AGBL1: variants seen among roughly 807,000 people sequenced by gnomAD.
AGBL1 encodes the protein cytosolic carboxypeptidase 4.
In AGBL1, 130 loss-of-function variants were observed where a neutral mutation model predicts 118.9. That is an observed-to-expected ratio of 1.09 (90% CI 0.95 to 1.26). The LOEUF is 1.26. Ranked by LOEUF, AGBL1 falls within the 50% of genes most tolerant of loss-of-function variation. The pLI, the probability that AGBL1 is intolerant of heterozygous loss-of-function variation, is 0.00. For synonymous variants in AGBL1, 555 were observed against 478.9 expected, an observed-to-expected ratio of 1.16 and a Z score of -2.08; for missense variants, 1,584 against 1,298.1, an observed-to-expected ratio of 1.22 and a Z score of -3.38.
chr15:86,556,191 GT>G, intron 21 of AGBL1: 1 of 1,581,082 alleles, frequency 6.3e-7, no homozygotes, highest in Non-Finnish European at 8.7e-7. Flanking sequence ...TGACTCATAG[GT>G]TCAGGCCCTC....
intron 17 of AGBL1, among the ~76,000 whole-genome samples, chr15:86,358,615 A>G (rs888757660): frequency 6.6e-6 from 1 of 152,052 alleles, no homozygotes; most frequent in Non-Finnish European, 1.5e-5. Flanking sequence ...ACTGTTTTGC[A>G]TAATGGCTTT....
chr15:86,998,501 C>T (rs1271068033), intron 24 of AGBL1, among the ~76,000 whole-genome samples: 2 of 152,126 alleles, frequency 1.3e-5, no homozygotes, highest in Admixed American at 6.6e-5. Context: ...TGGCTGATAC[C>T]TCAATTGTAG....
intron 5 of AGBL1, among the ~76,000 whole-genome samples, chr15:86,209,956 T>C (rs911545822): frequency 6.6e-6 from 1 of 152,220 alleles, no homozygotes; most frequent in Non-Finnish European, 1.5e-5. Context: ...CTGGAACTGA[T>C]TGTTCCTTTC....
At chr15:86,439,815 C>T (rs928765467) in intron 18 of AGBL1, among the ~76,000 whole-genome samples, 1 of 152,174 alleles carries the variant, frequency 6.6e-6, no homozygotes, top group Non-Finnish European at 1.5e-5. Flanking sequence ...AGGCCTCAGT[C>T]GCTCAAACAG....
At chr15:86,101,882 G>T (rs1234706622) in intron 1 of AGBL1, among the ~76,000 whole-genome samples, 1 of 151,990 alleles carries the variant, frequency 6.6e-6, no homozygotes, top group Non-Finnish European at 1.5e-5. Flanking sequence ...GATTGTTATT[G>T]ATATGTGAGG....
intron 22 of AGBL1, among the ~76,000 whole-genome samples, chr15:86,781,860 A>G (rs1301693545): frequency 6.6e-6 from 1 of 151,066 alleles, no homozygotes; most frequent in Non-Finnish European, 1.5e-5. Context: ...ATCTACTGGG[A>G]AGAACAAGCA....
chr15:86,732,821 C>T (rs1000442930), intron 22 of AGBL1, among the ~76,000 whole-genome samples: 1 of 151,116 alleles, frequency 6.6e-6, no homozygotes, highest in African/African-American at 2.4e-5. Flanking sequence ...CATCTCTGAG[C>T]ATTAGAAGAT....
At chr15:86,893,545 TCAAAA>T (rs1336011150) in intron 22 of AGBL1, among the ~76,000 whole-genome samples, 1 of 151,956 alleles carries the variant, frequency 6.6e-6, no homozygotes, top group Non-Finnish European at 1.5e-5. Context: ...AAATGAAAAA[TCAAAA>T]CAAAGAAACT....
chr15:86,755,601 C>T (rs34053914), intron 22 of AGBL1, among the ~76,000 whole-genome samples: 5 of 152,118 alleles, frequency 3.3e-5, no homozygotes, highest in Non-Finnish European at 5.9e-5. Context: ...TGATTGACAA[C>T]CCTCTGTATA....
Position 86,169,741 on chromosome 15 carries a change from T to A in AGBL1, c.488+10715T>A, listed in dbSNP as rs13379982. Among the ~76,000 whole-genome samples the A allele has an allele frequency of 3.8e-3, 573 of 152,330 alleles. 4 individuals are homozygous for A. The highest frequency in any genetic ancestry group is 0.013 in the African/African-American group (545 of 41,562). On this transcript the variant is annotated intron_variant, in intron 5 of 22. Transcript: ENST00000614907. ...AGCACAGATGCAATTTTTAAAAATA[T>A]ATTTAATCCACAGTTGGTTGAATCC... is the stretch of plus-strand genomic sequence containing the variant.
chr15:86,784,132 A>G (rs1218870637), intron 22 of AGBL1, among the ~76,000 whole-genome samples: 3 of 152,180 alleles, frequency 2.0e-5, no homozygotes, highest in African/African-American at 7.2e-5. Context: ...CTTGCTATAA[A>G]GGAGTGTTGT....
intron 21 of AGBL1, among the ~76,000 whole-genome samples, chr15:86,666,200 T>C (rs907079906): frequency 5.3e-5 from 8 of 152,120 alleles, no homozygotes; most frequent in African/African-American, 1.9e-4. Context: ...TATTTAGATG[T>C]TCCTTGCTGT....
chr15:86,477,827 T>G (rs979705197), intron 18 of AGBL1, among the ~76,000 whole-genome samples: 1 of 151,938 alleles, frequency 6.6e-6, no homozygotes, highest in African/African-American at 2.4e-5. Context: ...GATGCAAAAA[T>G]CCTCAATAAA....
chr15:86,902,058 T>A (rs1365730721), intron 22 of AGBL1, among the ~76,000 whole-genome samples: 1 of 151,618 alleles, frequency 6.6e-6, no homozygotes, highest in Non-Finnish European at 1.5e-5. Flanking sequence ...CTATTACAAA[T>A]CAAGCTGCTG....
At chr15:86,220,313 T>C (rs2078261716) in intron 5 of AGBL1, among the ~76,000 whole-genome samples, 1 of 152,168 alleles carries the variant, frequency 6.6e-6, no homozygotes, top group Non-Finnish European at 1.5e-5. Flanking sequence ...TGAACTTCAT[T>C]ATTGCTGTTT....
intron 23 of AGBL1, among the ~76,000 whole-genome samples, chr15:86,931,851 G>A (rs2080610333): frequency 6.6e-6 from 1 of 152,246 alleles, no homozygotes; most frequent in South Asian, 2.1e-4. Flanking sequence ...TGTACAATTT[G>A]CAGAATCTTT....
At chr15:86,822,014 C>T (rs1235611751) in intron 22 of AGBL1, among the ~76,000 whole-genome samples, 1 of 152,130 alleles carries the variant, frequency 6.6e-6, no homozygotes. Context: ...GATACAGTGC[C>T]ACAGTACCTG....
chr15:86,977,651 TATA>T (rs1304872553), intron 23 of AGBL1, among the ~76,000 whole-genome samples: 1 of 152,026 alleles, frequency 6.6e-6, no homozygotes, highest in East Asian at 1.9e-4. Flanking sequence ...GAGTTGTTAT[TATA>T]ATGATAGGAA....
intron 22 of AGBL1, among the ~76,000 whole-genome samples, chr15:86,894,312 C>G (rs2080092287): frequency 6.6e-6 from 1 of 152,050 alleles, no homozygotes; most frequent in South Asian, 2.1e-4. Flanking sequence ...TTTGAAAAAT[C>G]AAGAGGGAGG....
Sources: allele counts gnomAD v4.1 joint callset (sites outside exome capture counted in the v4.1 genomes callset), GRCh38; gene constraint gnomAD v4.1.1; transcripts MANE v1.5; gene names NCBI Gene and HGNC (gene_info 2026-07-23, HGNC 2026-07-21).